The following DLC1 variants were observed in gnomAD, a reference collection of about 807,000 sequenced individuals.
DLC1 encodes rho GTPase-activating protein 7.
Under a neutral mutation model 140.3 loss-of-function variants are expected in DLC1, and 54 were observed. The observed-to-expected ratio is 0.38, with a 90% CI of 0.31 to 0.48. The LOEUF (loss-of-function observed/expected upper bound fraction) is 0.48. Ranked by LOEUF, DLC1 falls within the 20% of genes least tolerant of loss-of-function variation. The pLI, the probability that DLC1 is intolerant of heterozygous loss-of-function variation, is 0.96. For synonymous variants in DLC1, 986 were observed against 728.1 expected (o/e 1.35, Z -5.70); for missense variants, 2,536 against 1,907.0 (o/e 1.33, Z -6.14).
chr8:13,350,527 C>T (rs1461125744), intron 4 of DLC1, among the ~76,000 whole-genome samples: 8 of 151,968 alleles, frequency 5.3e-5, no homozygotes, highest in Non-Finnish European at 1.2e-4. Context: ...ACCAGCCAGG[C>T]CAACATGGCC....
intron 1 of DLC1, among the ~76,000 whole-genome samples, chr8:13,527,715 A>G (rs750565021): frequency 6.6e-6 from 1 of 152,148 alleles, no homozygotes; most frequent in South Asian, 2.1e-4. Flanking sequence ...TAATGTTTTT[A>G]TAGATGAGGT....
rs1237358654 is a variant in DLC1 at position 13,100,233 on chromosome 8, C to T, written c.2104G>A (p.Gly702Arg). 6.2e-7 allele frequency: 1 copy of T among 1,614,174 alleles called. No homozygotes were observed. The highest frequency in any genetic ancestry group is 1.7e-5 in the Admixed American group (1 of 60,028). ...LIISGPILQE[G>R]MDEEKLKQLN... ...TGCTTCAGCTTCTCCTCATCCATCC[C>T]CTCTTGCAAGATGGGCCCGCTGATG... is the stretch of plus-strand genomic sequence containing the variant. Residue 702 changes from glycine (G) to arginine (R), a missense_variant, in exon 9 of 18, where the codon GGG becomes AGG. Transcript: ENST00000276297.
rs1277720655 is a variant in DLC1, at chr8:13,499,411, G to A, written c.661C>T (p.Pro221Ser). The A allele has an allele frequency of 1.2e-6, 2 of 1,613,768 alleles. No individual in the cohort carries two copies. The highest frequency in any genetic ancestry group is 1.7e-6 in the Non-Finnish European group (2 of 1,179,946). ...VDTLNVKDIA[P>S]EKQLLNSAVI... Reference sequence around the variant, plus strand: ...GCAGAGTTAAGCAATTGTTTCTCAGGTGCAATATCTTTCACGTTCAAAGTA... The same window carrying A: ...GCAGAGTTAAGCAATTGTTTCTCAGATGCAATATCTTTCACGTTCAAAGTA... The change falls in exon 2 of 18, where the codon CCT becomes TCT. Residue 221 changes from proline to serine, a missense_variant. Pro to Ser is a moderately conservative substitution (Grantham distance 74). Coordinates refer to ENST00000276297, the MANE Select transcript of DLC1 (RefSeq NM_182643.3).
intron 5 of DLC1, among the ~76,000 whole-genome samples, chr8:13,254,983 C>CTTTTTTTT (rs549628779): frequency 6.7e-6 from 1 of 149,634 alleles, no homozygotes; most frequent in Admixed American, 6.7e-5. Flanking sequence ...TTTCTTTTTT[C>CTTTTTTTT]TTATTTTTTT....
At chr8:13,212,869 TG>T (rs1322330695) in intron 5 of DLC1, among the ~76,000 whole-genome samples, 1 of 152,228 alleles carries the variant, frequency 6.6e-6, no homozygotes, top group Non-Finnish European at 1.5e-5. Context: ...ACTAAATGTT[TG>T]TTTCTAGCTT....
chr8:13,089,764 C>T (rs1420422728), intron 15 of DLC1, among the ~76,000 whole-genome samples: 5 of 152,202 alleles, frequency 3.3e-5, no homozygotes, highest in Admixed American at 3.3e-4. Flanking sequence ...TCCGATGGAC[C>T]TATCCTGCTG....
At chr8:13,088,956 G>C (rs978894700) in intron 15 of DLC1, among the ~76,000 whole-genome samples, 7 of 152,034 alleles carry the variant, frequency 4.6e-5, no homozygotes, top group African/African-American at 1.7e-4. Context: ...TTGTCAACTC[G>C]AGTCAAAATG....
At position 13,391,402 on chromosome 8, in the gene DLC1, A is replaced by G. The variant is rs540544689; in HGVS notation, c.1314+2151T>C. On this transcript the variant is annotated intron_variant, in intron 4 of 17. Transcript: ENST00000276297. ...GCATCCAATTTGCTTCCAAGTTAACATATTTTCAGAAAATATTTGATTTGG... is the reference window on the plus strand; with the variant it reads ...GCATCCAATTTGCTTCCAAGTTAACGTATTTTCAGAAAATATTTGATTTGG... Among the ~76,000 whole-genome samples, 11 of 152,304 alleles carry G rather than the reference A, an allele frequency of 7.2e-5. No homozygotes were observed. In the South Asian group the frequency reaches 2.3e-3, roughly 32 times the overall value.
intron 1 of DLC1, among the ~76,000 whole-genome samples, chr8:13,564,897 C>T (rs1179596204): frequency 2.6e-5 from 4 of 152,164 alleles, no homozygotes; most frequent in Non-Finnish European, 4.4e-5. Context: ...TTCTTCATAT[C>T]TCCCAATCCC....
intron 1 of DLC1, among the ~76,000 whole-genome samples, chr8:13,525,493 C>T (rs900003211): frequency 2.6e-5 from 4 of 152,204 alleles, no homozygotes; most frequent in African/African-American, 9.6e-5. Context: ...TGCATGCCAA[C>T]AGTTGGTATG....
intron 4 of DLC1, among the ~76,000 whole-genome samples, chr8:13,335,527 A>C (rs545490864): frequency 7.9e-4 from 121 of 152,256 alleles, no homozygotes; most frequent in African/African-American, 2.9e-3. Flanking sequence ...GAAGACAATT[A>C]AGGGAGGGTT....
intron 2 of DLC1, among the ~76,000 whole-genome samples, chr8:13,431,343 C>T (rs1051097088): frequency 2.0e-5 from 3 of 151,544 alleles, no homozygotes; most frequent in Non-Finnish European, 4.4e-5. Flanking sequence ...ATTAGCCGGG[C>T]GAGGTGACGG....
intron 3 of DLC1, among the ~76,000 whole-genome samples, chr8:13,398,300 AT>A (rs1227040072): frequency 1.3e-5 from 2 of 150,468 alleles, no homozygotes; most frequent in Admixed American, 6.7e-5. Context: ...TCCCCATCAC[AT>A]CTCTTCTCCC....
intron 5 of DLC1, among the ~76,000 whole-genome samples, chr8:13,249,953 A>G (rs1220305806): frequency 6.6e-6 from 1 of 151,852 alleles, no homozygotes. Flanking sequence ...GCCTGCCAGA[A>G]CCCTCCAGGA....
intron 5 of DLC1, among the ~76,000 whole-genome samples, chr8:13,162,354 C>G (rs755232791): frequency 3.3e-5 from 5 of 152,056 alleles, no homozygotes; most frequent in Non-Finnish European, 2.9e-5. Context: ...TGAAGTGTTG[C>G]TCTTGGAGCC....
At chr8:13,477,336 G>A (rs894536231) in intron 2 of DLC1, among the ~76,000 whole-genome samples, 9 of 152,146 alleles carry the variant, frequency 5.9e-5, no homozygotes, top group Admixed American at 3.3e-4. Flanking sequence ...ACAGTTACGC[G>A]GTAAGTGCTG....
chr8:13,196,806 A>G (rs1405790401), intron 5 of DLC1, among the ~76,000 whole-genome samples: 1 of 152,216 alleles, frequency 6.6e-6, no homozygotes, highest in African/African-American at 2.4e-5. Context: ...GTCAATTATA[A>G]TCATGGCTTC....
intron 3 of DLC1, among the ~76,000 whole-genome samples, chr8:13,393,997 A>T (rs1275963279): frequency 6.7e-6 from 1 of 148,642 alleles, no homozygotes; most frequent in East Asian, 2.0e-4. Context: ...GAGAAGTTAG[A>T]AGGCAGAAGC....
At chr8:13,232,815 A>G (rs1401829346) in intron 5 of DLC1, among the ~76,000 whole-genome samples, 1 of 152,236 alleles carries the variant, frequency 6.6e-6, no homozygotes, top group African/African-American at 2.4e-5. Context: ...CTATAGTCTC[A>G]GATGAGTTCT....
Sources: gnomAD v4.1 joint callset for allele counts (sites outside exome capture counted in the v4.1 genomes callset) on GRCh38, gnomAD v4.1.1 for gene constraint, MANE v1.5 for transcripts, NCBI Gene and HGNC (gene_info 2026-07-23, HGNC 2026-07-21) for gene names.